Variants in CD38 observed in about 807,000 individuals in gnomAD.
CD38 encodes CD38 molecule, also known as ADP-ribosyl cyclase/cyclic ADP-ribose hydrolase 1.
Under a neutral mutation model 36.3 loss-of-function variants are expected in CD38, and 31 were observed. That is an observed-to-expected ratio of 0.85 (90% confidence interval 0.64 to 1.15). CD38 has a LOEUF of 1.15. Ranked by LOEUF, CD38 falls within the 50% of genes most tolerant of loss-of-function variation. The probability of loss-of-function intolerance (pLI) is 0.00; values close to 1 mark genes in which losing one functional copy is unlikely to be tolerated. For missense variants in CD38, 380 were observed against 371.9 expected (o/e 1.02, Z -0.18); for synonymous variants, 131 against 135.2 (o/e 0.97, Z 0.22).
chr4:15,783,727 G>A (rs967503705), intron 1 of CD38, among the ~76,000 whole-genome samples: 2 of 152,114 alleles, frequency 1.3e-5, no homozygotes, highest in Non-Finnish European at 2.9e-5. Context: ...TGCCCACAAG[G>A]ACCATCTTTT....
intron 1 of CD38, among the ~76,000 whole-genome samples, chr4:15,803,970 A>G (rs1038404090): frequency 1.3e-5 from 2 of 152,154 alleles, no homozygotes; most frequent in Admixed American, 1.3e-4. Context: ...TGTTGCTGCA[A>G]AATACATGAT....
intron 1 of CD38, among the ~76,000 whole-genome samples, chr4:15,807,932 C>G (rs1723377842): frequency 1.3e-5 from 2 of 152,150 alleles, no homozygotes; most frequent in South Asian, 4.1e-4. Flanking sequence ...CCTTAGATCC[C>G]TTTGACTGTG....
intron 3 of CD38, among the ~76,000 whole-genome samples, chr4:15,833,704 T>C (rs1724006207): frequency 6.6e-6 from 1 of 152,210 alleles, no homozygotes; most frequent in South Asian, 2.1e-4. Context: ...ACAGAAACTA[T>C]GTATTCATGC....
In CD38 at chr4:15,849,566, TAG is replaced by T. The variant is rs2148930475; in HGVS notation, c.*965_*966del. The T allele has an allele frequency of 6.6e-6, 1 of 152,374 alleles. No homozygotes were observed. Among genetic ancestry groups the T allele is most frequent in the African/African-American group, 2.4e-5 (1 of 41,586 alleles). The allele number at this position is 152,374 out of a possible 1,614,324, so 9.4% of individuals were successfully genotyped here. On this transcript the variant is annotated 3_prime_UTR_variant, in exon 8 of 8. Coordinates refer to ENST00000226279, the MANE Select transcript of CD38 (RefSeq NM_001775.4). Reference sequence around the variant, plus strand: ...CTTCATGCTCAGTGTTTTATATATGTAGTATACAGTTAAAATATACTTGTTGC... The same window carrying T: ...CTTCATGCTCAGTGTTTTATATATGTTATACAGTTAAAATATACTTGTTGC...
In CD38 at chr4:15,828,692, T is replaced by C. The variant is rs142957343; in HGVS notation, c.499+3676T>C. On this transcript the variant is annotated intron_variant, in intron 3 of 7. Coordinates refer to ENST00000226279, the MANE Select transcript of CD38 (RefSeq NM_001775.4). ...AGTCTGAATAGTATTCCATTGTGTA[T>C]ATATACCACACTTTATCCATTCGTC... 5.3e-3 allele frequency among the ~76,000 whole-genome samples: 802 copies of C among 152,332 alleles called. 5 individuals are homozygous for C. Among genetic ancestry groups the C allele is most frequent in the African/African-American group, 0.018 (760 of 41,572 alleles).
At chr4:15,810,266 G>A (rs1446942518) in intron 1 of CD38, among the ~76,000 whole-genome samples, 1 of 152,180 alleles carries the variant, frequency 6.6e-6, no homozygotes, top group Non-Finnish European at 1.5e-5. Context: ...TTAATTCTCT[G>A]TGGGACTCAA....
At chr4:15,838,033 A>G (rs1477950293) in intron 4 of CD38, 59 bp from the exon 5 acceptor site, 2 of 1,354,124 alleles carry the variant, frequency 1.5e-6, no homozygotes, top group East Asian at 4.6e-5. Flanking sequence ...TTTGAATGAA[A>G]CTGCTGGAGG....
intron 1 of CD38, among the ~76,000 whole-genome samples, chr4:15,795,800 C>G (rs1723094294): frequency 6.6e-6 from 1 of 152,032 alleles, no homozygotes; most frequent in Non-Finnish European, 1.5e-5. Context: ...GACAGTTATT[C>G]TACATTTTTG....
In CD38 at chr4:15,852,174, G is replaced by C. The variant is rs956184914; in HGVS notation, c.*3572G>C. On this transcript the variant is annotated 3_prime_UTR_variant, in exon 8 of 8. Transcript: ENST00000226279. Reference sequence around the variant, plus strand: ...TTACTTTAGCCCTGAGTCACCATTTGTGTCAACGTGTTTAGTGCCATGTCC... The same window carrying C: ...TTACTTTAGCCCTGAGTCACCATTTCTGTCAACGTGTTTAGTGCCATGTCC... 5.9e-5 allele frequency: 9 copies of C among 152,328 alleles called. No homozygotes were observed. Among genetic ancestry groups the C allele is most frequent in the Admixed American group, 2.6e-4 (4 of 15,306 alleles). The allele number at this position is 152,328 out of a possible 1,614,324, so 9.4% of individuals were successfully genotyped here. A position where few individuals can be genotyped will look rare whatever the true frequency, so the allele number is the denominator to read the frequency against.
chr4:15,807,450 C>G (rs192102322), intron 1 of CD38, among the ~76,000 whole-genome samples: 1 of 152,326 alleles, frequency 6.6e-6, no homozygotes, highest in African/African-American at 2.4e-5. Context: ...GCCACGTACA[C>G]AGTGGCCTTG....
chr4:15,825,977 T>C (rs1723836440), intron 3 of CD38: 1 of 152,110 alleles, frequency 6.6e-6, no homozygotes, highest in African/African-American at 2.4e-5. Flanking sequence ...TTTGTTTATA[T>C]GGTGGATATT....
chr4:15,838,404 C>T (rs1418676345), intron 5 of CD38, among the ~76,000 whole-genome samples: 1 of 152,076 alleles, frequency 6.6e-6, no homozygotes, highest in Non-Finnish European at 1.5e-5. Flanking sequence ...TGTATCTAGC[C>T]CCTGCTCTTA....
At chr4:15,780,963 C>A (rs1162317059) in intron 1 of CD38, among the ~76,000 whole-genome samples, 1 of 152,054 alleles carries the variant, frequency 6.6e-6, no homozygotes, top group Non-Finnish European at 1.5e-5. Flanking sequence ...ACAAAATTAG[C>A]CGGGTGTTGT....
chr4:15,787,604 G>C (rs1451051398), intron 1 of CD38, among the ~76,000 whole-genome samples: 1 of 152,222 alleles, frequency 6.6e-6, no homozygotes, highest in Non-Finnish European at 1.5e-5. Flanking sequence ...CTTCAGGAAT[G>C]ATTACGAATC....
Position 15,790,312 on chromosome 4 carries a change from G to A in CD38, c.233+11665G>A, listed in dbSNP as rs567343616. On this transcript the variant is annotated intron_variant, in intron 1 of 7. Transcript: ENST00000226279. Reference sequence around the variant, plus strand: ...ATTCTCCTGCCTCAGCCTGCCGAGTGCCTGCGCACGCCGCCACGCCTGACT... The same window carrying A: ...ATTCTCCTGCCTCAGCCTGCCGAGTACCTGCGCACGCCGCCACGCCTGACT... 2.0e-4 allele frequency among the ~76,000 whole-genome samples: 30 copies of A among 151,690 alleles called. No individual in the cohort carries two copies. In the South Asian group the frequency reaches 6.0e-3, roughly 31 times the overall value.
At chr4:15,838,737 T>C (rs1177150817) in intron 5 of CD38, among the ~76,000 whole-genome samples, 1 of 152,206 alleles carries the variant, frequency 6.6e-6, no homozygotes, top group East Asian at 1.9e-4. Flanking sequence ...GGTCATTACA[T>C]ATCATCTGTG....
intron 1 of CD38, among the ~76,000 whole-genome samples, chr4:15,803,092 A>G (rs1171330461): frequency 6.6e-6 from 1 of 152,216 alleles, no homozygotes; most frequent in East Asian, 1.9e-4. Flanking sequence ...GGATATTCAT[A>G]TGCAGAAGAA....
intron 1 of CD38, among the ~76,000 whole-genome samples, chr4:15,781,910 T>G (rs942393061): frequency 3.3e-5 from 5 of 152,210 alleles, no homozygotes; most frequent in African/African-American, 1.2e-4. Context: ...ATTTATTGTC[T>G]GCCATGGTTC....
At chr4:15,838,003 C>A in intron 4 of CD38, 89 bp from the exon 5 acceptor site, 1 of 1,017,374 alleles carries the variant, frequency 9.8e-7, no homozygotes, top group South Asian at 1.3e-5. Context: ...CTTCCTTAAC[C>A]AGCTATTGCT....
Sources: gnomAD v4.1 joint callset for allele counts (sites outside exome capture counted in the v4.1 genomes callset) on GRCh38, gnomAD v4.1.1 for gene constraint, MANE v1.5 for transcripts, NCBI Gene and HGNC (gene_info 2026-07-23, HGNC 2026-07-21) for gene names.